NAALADL2: variants seen among roughly 807,000 people sequenced by gnomAD.
NAALADL2 encodes the protein N-acetylated alpha-linked acidic dipeptidase like 2, also known as inactive N-acetylated-alpha-linked acidic dipeptidase-like protein 2.
A neutral mutation model predicts 87.2 loss-of-function variants in NAALADL2; 76 were observed. The observed-to-expected ratio is 0.87, with a 90% CI of 0.72 to 1.05. The LOEUF (loss-of-function observed/expected upper bound fraction) is 1.05. Among genes scored for constraint, NAALADL2 ranks in the 50% least tolerant of loss-of-function variants. The pLI is 0.00. For missense variants in NAALADL2, 1,089 were observed against 945.8 expected (o/e 1.15, Z -1.99); for synonymous variants, 354 against 331.0 (o/e 1.07, Z -0.75).
At chr3:175,490,113 A>G (rs1582104298) in intron 9 of NAALADL2, among the ~76,000 whole-genome samples, 2 of 152,154 alleles carry the variant, frequency 1.3e-5, no homozygotes, top group East Asian at 1.9e-4. Flanking sequence ...AACAGAGCCA[A>G]TGAGGTAGTG....
chr3:174,987,467 G>A (rs1351558857), intron 1 of NAALADL2, among the ~76,000 whole-genome samples: 2 of 143,460 alleles, frequency 1.4e-5, no homozygotes, highest in East Asian at 4.1e-4. Context: ...TACTTGGGAG[G>A]CTGAGGCAGG....
chr3:174,915,160 AT>A (rs1734205868), intron 1 of NAALADL2, among the ~76,000 whole-genome samples: 1 of 152,086 alleles, frequency 6.6e-6, no homozygotes, highest in African/African-American at 2.4e-5. Context: ...CTTAGAAAAC[AT>A]TTTTCATGGT....
chr3:175,041,530 A>G (rs1337309375), intron 1 of NAALADL2, among the ~76,000 whole-genome samples: 2 of 152,138 alleles, frequency 1.3e-5, no homozygotes, highest in Non-Finnish European at 2.9e-5. Flanking sequence ...GATCTTAGTA[A>G]TCTTCTGCTC....
chr3:175,264,797 A>G (rs6805576), intron 4 of NAALADL2, among the ~76,000 whole-genome samples: 48,122 of 151,260 alleles, frequency 0.32, 8,434 homozygotes, highest in South Asian at 0.54. Context: ...GAAATTATAT[A>G]ATATTAGAAA....
chr3:175,063,609 T>C (rs2109095935), intron 1 of NAALADL2, among the ~76,000 whole-genome samples: 1 of 152,212 alleles, frequency 6.6e-6, no homozygotes, highest in Non-Finnish European at 1.5e-5. Context: ...CCCCAGTAGT[T>C]GAGGCCACAG....
intron 2 of NAALADL2, among the ~76,000 whole-genome samples, chr3:174,720,519 G>A (rs2108949081): frequency 6.6e-6 from 1 of 152,178 alleles, no homozygotes; most frequent in Admixed American, 6.5e-5. Context: ...TTAGACAACT[G>A]TTAGTATAAA....
chr3:175,628,375 G>A (rs1025845579), intron 11 of NAALADL2, among the ~76,000 whole-genome samples: 9 of 151,458 alleles, frequency 5.9e-5, no homozygotes, highest in African/African-American at 2.2e-4. Context: ...ACTTATCATG[G>A]ACATAACCCC....
chr3:174,803,489 A>G (rs1719083068), intron 3 of NAALADL2, among the ~76,000 whole-genome samples: 1 of 152,008 alleles, frequency 6.6e-6, no homozygotes, highest in Non-Finnish European at 1.5e-5. Context: ...ATTACATCCC[A>G]TTTGTCAATT....
intron 9 of NAALADL2, among the ~76,000 whole-genome samples, chr3:175,570,351 C>T (rs1717868842): frequency 6.6e-6 from 1 of 152,146 alleles, no homozygotes; most frequent in Admixed American, 6.5e-5. Context: ...ATAACACTCT[C>T]ATAGACATAC....
At chr3:175,707,810 T>TAGAATTAAGTTTGTA (rs2149990241) in intron 11 of NAALADL2, among the ~76,000 whole-genome samples, 1 of 152,120 alleles carries the variant, frequency 6.6e-6, no homozygotes, top group South Asian at 2.1e-4. Flanking sequence ...AGATGAGGTT[T>TAGAATTAAGTTTGTA]AGAATTAAGT....
chr3:175,415,807 T>C (rs1181234193), intron 5 of NAALADL2, among the ~76,000 whole-genome samples: 1 of 151,656 alleles, frequency 6.6e-6, no homozygotes, highest in Non-Finnish European at 1.5e-5. Flanking sequence ...ACAACTTTTT[T>C]ATACATTAAA....
intron 1 of NAALADL2, among the ~76,000 whole-genome samples, chr3:174,894,603 A>G: frequency 3.8e-5 from 1 of 26,508 alleles, no homozygotes; most frequent in East Asian, 2.4e-3. Flanking sequence ...TCAAAAAAAA[A>G]AAAAAAAAAA....
At chr3:175,331,820 C>T (rs1171188865) in intron 5 of NAALADL2, among the ~76,000 whole-genome samples, 1 of 152,128 alleles carries the variant, frequency 6.6e-6, no homozygotes, top group Non-Finnish European at 1.5e-5. Context: ...AATTGTCCCT[C>T]TATGCAGATG....
intron 2 of NAALADL2, among the ~76,000 whole-genome samples, chr3:174,568,620 C>A (rs1714567899): frequency 6.6e-6 from 1 of 151,602 alleles, no homozygotes; most frequent in South Asian, 2.1e-4. Context: ...GAAGCTGTAT[C>A]TTTTTTTGTG....
intron 10 of NAALADL2, among the ~76,000 whole-genome samples, chr3:175,600,073 G>C (rs915100331): frequency 1.3e-5 from 2 of 151,506 alleles, no homozygotes; most frequent in Non-Finnish European, 2.9e-5. Context: ...TAATTTTAAA[G>C]ACATATATCA....
intron 2 of NAALADL2, among the ~76,000 whole-genome samples, chr3:175,161,921 G>A (rs887026108): frequency 6.6e-6 from 1 of 152,074 alleles, no homozygotes; most frequent in Non-Finnish European, 1.5e-5. Context: ...CTCATAACCT[G>A]AACTTCTAAT....
At chr3:175,406,922 T>A (rs1036801878) in intron 5 of NAALADL2, among the ~76,000 whole-genome samples, 9 of 152,144 alleles carry the variant, frequency 5.9e-5, no homozygotes, top group African/African-American at 2.2e-4. Flanking sequence ...GGCTCACGCC[T>A]GTAATCCCAG....
At chr3:174,893,678 C>T (rs561381780) in intron 1 of NAALADL2, among the ~76,000 whole-genome samples, 4 of 152,112 alleles carry the variant, frequency 2.6e-5, no homozygotes, top group African/African-American at 9.6e-5. Context: ...ATTTGCAAGC[C>T]TCATGGTAAC....
At chr3:174,494,398 C>T (rs1357429513) in intron 1 of NAALADL2, among the ~76,000 whole-genome samples, 2 of 149,116 alleles carry the variant, frequency 1.3e-5, no homozygotes, top group African/African-American at 5.0e-5. Flanking sequence ...ACCGCATGTT[C>T]TCACTCATAG....
Sources: gnomAD v4.1 joint callset for allele counts (sites outside exome capture counted in the v4.1 genomes callset) on GRCh38, gnomAD v4.1.1 for gene constraint, MANE v1.5 for transcripts, NCBI Gene and HGNC (gene_info 2026-07-23, HGNC 2026-07-21) for gene names.